PHF24: variants seen among roughly 807,000 people sequenced by gnomAD.
The protein encoded by PHF24 is PHD finger protein 24, also known as Galpha inhibitory interacting protein.
In PHF24, 25 loss-of-function variants were observed where a neutral mutation model predicts 42.6. That is an observed-to-expected ratio of 0.59 (90% CI 0.43 to 0.82). The LOEUF is 0.82. Ranked by LOEUF, PHF24 falls within the 40% of genes least tolerant of loss-of-function variation. PHF24 has a pLI of 0.00. For missense variants in PHF24, 470 were observed against 538.1 expected (o/e 0.87, Z 1.25); for synonymous variants, 185 against 204.8 (o/e 0.90, Z 0.83).
the PHF24 span, among the ~76,000 whole-genome samples, chr9:34,698,784 C>A: frequency 6.6e-6 from 1 of 152,196 alleles, no homozygotes; most frequent in African/African-American, 2.4e-5. Context: ...CCAGCCAAAG[C>A]TGATAGTTTT....
the PHF24 span, among the ~76,000 whole-genome samples, chr9:34,808,235 T>G: frequency 1.3e-5 from 2 of 152,184 alleles, no homozygotes; most frequent in Non-Finnish European, 2.9e-5. Flanking sequence ...GTATAGTACT[T>G]CATAGTAGTG....
the PHF24 span, among the ~76,000 whole-genome samples, chr9:34,951,516 T>C: frequency 6.6e-6 from 1 of 152,218 alleles, no homozygotes; most frequent in African/African-American, 2.4e-5. Context: ...TATTGCTGGC[T>C]TTGAAGACAG....
At chr9:34,689,480 G>C in the PHF24 span, 1 of 294,662 alleles carries the variant, frequency 3.4e-6, no homozygotes, top group Non-Finnish European at 6.3e-6. The surrounding 1 kb of genome is among the most constrained non-coding windows in gnomAD (Gnocchi z 4.1). Context: ...CAGATCTATG[G>C]GTGCCAGGTG....
the PHF24 span, among the ~76,000 whole-genome samples, chr9:34,732,903 A>G: frequency 6.6e-6 from 1 of 152,114 alleles, no homozygotes; most frequent in African/African-American, 2.4e-5. Flanking sequence ...TTCTTTGGTA[A>G]AACTATAACA....
chr9:34,942,862 A>C, the PHF24 span, among the ~76,000 whole-genome samples: 1 of 150,890 alleles, frequency 6.6e-6, no homozygotes, highest in Non-Finnish European at 1.5e-5. Context: ...GATGGGGGGC[A>C]GGGGGGAGGC....
At chr9:34,741,807 AG>A in the PHF24 span, among the ~76,000 whole-genome samples, 1,525 of 152,276 alleles carry the variant, frequency 0.01, 18 homozygotes, top group Middle Eastern at 0.027. Context: ...GTGAAGAATT[AG>A]TACTTAAGCT....
At chr9:34,904,059 T>G in the PHF24 span, among the ~76,000 whole-genome samples, 1 of 152,238 alleles carries the variant, frequency 6.6e-6, no homozygotes, top group Non-Finnish European at 1.5e-5. Context: ...TGAATTCTTT[T>G]ATCAATTCTA....
At chr9:34,766,544 A>G in the PHF24 span, among the ~76,000 whole-genome samples, 2 of 152,138 alleles carry the variant, frequency 1.3e-5, no homozygotes, top group Admixed American at 6.5e-5. Flanking sequence ...CTTGGCTTTC[A>G]GCTCCATCAG....
At chr9:34,762,189 T>A in the PHF24 span, among the ~76,000 whole-genome samples, 1 of 152,076 alleles carries the variant, frequency 6.6e-6, no homozygotes, top group Non-Finnish European at 1.5e-5. Context: ...CAGCATGATT[T>A]ATAGTCATTT....
chr9:34,842,179 A>G, the PHF24 span, among the ~76,000 whole-genome samples: 1 of 152,130 alleles, frequency 6.6e-6, no homozygotes, highest in South Asian at 2.1e-4. Flanking sequence ...ATTCCTTTTT[A>G]TTGCAGAGTA....
chr9:34,971,485 G>C, exon 2 of PHF24: 1 of 1,614,220 alleles, frequency 6.2e-7, no homozygotes, highest in Non-Finnish European at 8.5e-7. Flanking sequence ...GGAAGCAGAA[G>C]CAGGAACCTC....
chr9:34,676,304 A>C, the PHF24 span, among the ~76,000 whole-genome samples: 1 of 152,176 alleles, frequency 6.6e-6, no homozygotes, highest in South Asian at 2.1e-4. Context: ...CAGGTGGATC[A>C]CTTGAGCCCA....
the PHF24 span, among the ~76,000 whole-genome samples, chr9:34,719,323 G>C: frequency 6.6e-6 from 1 of 152,208 alleles, no homozygotes; most frequent in Non-Finnish European, 1.5e-5. Flanking sequence ...ATAGGCGGGA[G>C]CCACAGCGCC....
the PHF24 span, among the ~76,000 whole-genome samples, chr9:34,896,720 A>G: frequency 6.6e-6 from 1 of 152,068 alleles, no homozygotes; most frequent in Non-Finnish European, 1.5e-5. Flanking sequence ...GGGATCTACC[A>G]CTCCTTTGCC....
At chr9:34,812,424 A>C in the PHF24 span, among the ~76,000 whole-genome samples, 5 of 152,202 alleles carry the variant, frequency 3.3e-5, no homozygotes. Context: ...ATGACCTGGC[A>C]ATTCTGCTAT....
the PHF24 span, among the ~76,000 whole-genome samples, chr9:34,777,603 C>T: frequency 6.6e-6 from 1 of 152,178 alleles, no homozygotes; most frequent in African/African-American, 2.4e-5. Flanking sequence ...GTACTTGTGC[C>T]TCAGCCCTTG....
the PHF24 span, among the ~76,000 whole-genome samples, chr9:34,734,610 C>A: frequency 6.6e-6 from 1 of 152,124 alleles, no homozygotes; most frequent in Non-Finnish European, 1.5e-5. Context: ...AGACCCATTG[C>A]AGCTGGAAAA....
the PHF24 span, among the ~76,000 whole-genome samples, chr9:34,689,307 G>A: frequency 2.0e-5 from 3 of 152,088 alleles, no homozygotes; most frequent in Non-Finnish European, 2.9e-5. The surrounding 1 kb of genome is among the most constrained non-coding windows in gnomAD (Gnocchi z 4.1). Context: ...GCTTAGTGTC[G>A]CTGAACTATG....
chr9:34,922,536 A>G, the PHF24 span: 35 of 1,004,278 alleles, frequency 3.5e-5, no homozygotes, highest in Non-Finnish European at 4.9e-5. Context: ...AACCTCAGCC[A>G]AGTAATGGTA....
Sources: gnomAD v4.1 joint callset for allele counts (sites outside exome capture counted in the v4.1 genomes callset) on GRCh38, gnomAD v4.1.1 for gene constraint, Gnocchi (gnomAD v3.1) non-coding constraint, MANE v1.5 for transcripts, NCBI Gene and HGNC (gene_info 2026-07-23, HGNC 2026-07-21) for gene names.